Variants in ARHGEF7 observed in about 807,000 individuals in gnomAD.
The protein encoded by ARHGEF7 is PAK-interacting exchange factor beta.
ARHGEF7 carries 33 observed loss-of-function variants against 109.8 expected under a neutral mutation model. The observed-to-expected ratio is 0.30, with a 90% CI of 0.23 to 0.40. The LOEUF (loss-of-function observed/expected upper bound fraction) is 0.40, where lower values mean the gene tolerates loss of function less well. ARHGEF7 is among the 10% of genes least tolerant of loss of function. The pLI is 1.00. For synonymous variants in ARHGEF7, 458 were observed against 424.6 expected, an observed-to-expected ratio of 1.08 and a Z score of -0.97; for missense variants, 938 against 1,098.5, an observed-to-expected ratio of 0.85 and a Z score of 2.07.
At chr13:111,174,376 A>G (rs1036637369) in intron 2 of ARHGEF7, among the ~76,000 whole-genome samples, 1 of 152,184 alleles carries the variant, frequency 6.6e-6, no homozygotes, top group Non-Finnish European at 1.5e-5. Context: ...TGTCTTCCGA[A>G]TTCTTCAAGG....
intron 21 of ARHGEF7, among the ~76,000 whole-genome samples, chr13:111,302,240 G>C (rs1407061341): frequency 1.3e-5 from 2 of 152,132 alleles, no homozygotes; most frequent in East Asian, 3.9e-4. Context: ...GAGCAGCTTT[G>C]GTCCTCTGCC....
chr13:111,161,978 C>CA (rs768323593), intron 2 of ARHGEF7, among the ~76,000 whole-genome samples: 5 of 152,166 alleles, frequency 3.3e-5, no homozygotes, highest in Non-Finnish European at 5.9e-5. Flanking sequence ...GTGGACTGTG[C>CA]AATGGACATT....
chr13:111,121,043 A>AG (rs2067163559), intron 1 of ARHGEF7, among the ~76,000 whole-genome samples: 1 of 152,210 alleles, frequency 6.6e-6, no homozygotes, highest in South Asian at 2.1e-4. Context: ...CTGAGCACCC[A>AG]GGGGGGACAA....
Position 111,280,259 on chromosome 13 carries a change from G to A in ARHGEF7, c.1507-13G>A. The A allele has an allele frequency of 6.2e-7, 1 of 1,602,626 alleles. No homozygotes were observed. The highest frequency in any genetic ancestry group is 8.5e-7 in the Non-Finnish European group (1 of 1,175,238). Reference sequence around the variant, plus strand: ...TAATTGTTTTTTTTTTTGTGGGGGGGGGTCTTTTTTAGGGAAAGCTTCCAA... The same window carrying A: ...TAATTGTTTTTTTTTTTGTGGGGGGAGGTCTTTTTTAGGGAAAGCTTCCAA... On this transcript the variant is annotated splice_polypyrimidine_tract_variant and intron_variant, in intron 13 of 21. Coordinates refer to ENST00000646102, the MANE Select transcript of ARHGEF7 (RefSeq NM_001354046.2).
chr13:111,285,811 C>T (rs901328789), intron 16 of ARHGEF7, among the ~76,000 whole-genome samples: 2 of 152,182 alleles, frequency 1.3e-5, no homozygotes, highest in Non-Finnish European at 2.9e-5. Context: ...CTCCTCCTCC[C>T]TCAGGAGCGT....
intron 5 of ARHGEF7, among the ~76,000 whole-genome samples, chr13:111,221,243 GTC>G (rs2083892727): frequency 1.0e-4 from 3 of 29,960 alleles, no homozygotes; most frequent in Admixed American, 3.6e-4. Flanking sequence ...AGATATATAT[GTC>G]TATATATATC....
chr13:111,175,720 G>C (rs1426929090), intron 2 of ARHGEF7, among the ~76,000 whole-genome samples: 1 of 152,228 alleles, frequency 6.6e-6, no homozygotes, highest in African/African-American at 2.4e-5. Flanking sequence ...TGGATAAGGA[G>C]ACTGAGGCAC....
chr13:111,140,770 G>A (rs536253130), intron 1 of ARHGEF7, among the ~76,000 whole-genome samples: 3 of 152,184 alleles, frequency 2.0e-5, no homozygotes, highest in Non-Finnish European at 4.4e-5. Flanking sequence ...ACAGCTCAAT[G>A]TAGCCTTGAA....
At chr13:111,189,618 G>A (rs959879484) in intron 2 of ARHGEF7, among the ~76,000 whole-genome samples, 3 of 152,194 alleles carry the variant, frequency 2.0e-5, no homozygotes, top group Non-Finnish European at 4.4e-5. Context: ...CCACAGCGTG[G>A]AAGGGGACCC....
chr13:111,210,121 G>C, intron 4 of ARHGEF7, 119 bp downstream of exon 4: 1 of 1,340,804 alleles, frequency 7.5e-7, no homozygotes, highest in Non-Finnish European at 1.0e-6. Flanking sequence ...AAGGTAGCTG[G>C]ACTTCGCCTC....
intron 1 of ARHGEF7, among the ~76,000 whole-genome samples, chr13:111,123,063 G>A (rs1263402068): frequency 6.6e-6 from 1 of 152,168 alleles, no homozygotes; most frequent in African/African-American, 2.4e-5. Context: ...CATGCCCCTG[G>A]CAAAGTGACC....
intron 1 of ARHGEF7, among the ~76,000 whole-genome samples, chr13:111,120,366 C>T (rs1217881596): frequency 2.6e-5 from 4 of 152,260 alleles, no homozygotes; most frequent in African/African-American, 7.2e-5. Flanking sequence ...CAAGCATACA[C>T]ACACGCATAC....
intron 1 of ARHGEF7, among the ~76,000 whole-genome samples, chr13:111,146,076 C>T (rs760151766): frequency 6.6e-6 from 1 of 152,078 alleles, no homozygotes; most frequent in Non-Finnish European, 1.5e-5. Context: ...TAGGTCCAGC[C>T]GTGTTGTAGG....
intron 8 of ARHGEF7, among the ~76,000 whole-genome samples, chr13:111,245,158 T>G (rs932870293): frequency 6.6e-6 from 1 of 152,164 alleles, no homozygotes; most frequent in African/African-American, 2.4e-5. Context: ...TTTCAAAGCA[T>G]CTCATCGATT....
chr13:111,256,613 A>G (rs2090451954), intron 8 of ARHGEF7, among the ~76,000 whole-genome samples: 1 of 152,080 alleles, frequency 6.6e-6, no homozygotes, highest in East Asian at 1.9e-4. Flanking sequence ...ATTCACTGGC[A>G]TCTCCTCCTT....
intron 2 of ARHGEF7, among the ~76,000 whole-genome samples, chr13:111,177,046 C>T (rs951421956): frequency 1.3e-5 from 2 of 152,240 alleles, no homozygotes; most frequent in South Asian, 2.1e-4. Flanking sequence ...CGTGAGCCAC[C>T]GCGCCCGGCT....
At chr13:111,225,532 C>T (rs1197805244) in intron 5 of ARHGEF7, among the ~76,000 whole-genome samples, 2 of 149,570 alleles carry the variant, frequency 1.3e-5, no homozygotes, top group Non-Finnish European at 3.0e-5. Flanking sequence ...TTTTCTCTTA[C>T]AAATGGAAGG....
At chr13:111,177,138 A>C (rs992717152) in intron 2 of ARHGEF7, among the ~76,000 whole-genome samples, 1 of 152,208 alleles carries the variant, frequency 6.6e-6, no homozygotes, top group African/African-American at 2.4e-5. Flanking sequence ...ACTCATTTAA[A>C]CCTGTACCAG....
intron 8 of ARHGEF7, among the ~76,000 whole-genome samples, chr13:111,245,094 T>G (rs1376651564): frequency 6.6e-6 from 1 of 152,184 alleles, no homozygotes; most frequent in Non-Finnish European, 1.5e-5. Context: ...GGCGCTGTTG[T>G]GGAGAAGAAT....
Sources: gnomAD v4.1 joint callset for allele counts (sites outside exome capture counted in the v4.1 genomes callset) on GRCh38, gnomAD v4.1.1 for gene constraint, MANE v1.5 for transcripts, NCBI Gene and HGNC (gene_info 2026-07-23, HGNC 2026-07-21) for gene names.